Variants in FYN observed in about 807,000 individuals in gnomAD.
FYN encodes the protein tyrosine-protein kinase Fyn.
Under a neutral mutation model 70.2 loss-of-function variants are expected in FYN, and 10 were observed. The ratio of observed to expected loss-of-function variants is 0.14; its 90% CI spans 0.09 to 0.24. The LOEUF is 0.24. FYN is among the 10% of genes least tolerant of loss of function. The probability of loss-of-function intolerance (pLI) is 1.00; values close to 1 mark genes in which losing one functional copy is unlikely to be tolerated. For missense variants in FYN, 319 were observed against 673.1 expected, an observed-to-expected ratio of 0.47 and a Z score of 5.82; for synonymous variants, 236 against 248.6, an observed-to-expected ratio of 0.95 and a Z score of 0.48.
chr6:111,691,172 A>G (rs1415375876), intron 12 of FYN, among the ~76,000 whole-genome samples: 2 of 152,172 alleles, frequency 1.3e-5, no homozygotes, highest in Admixed American at 6.5e-5. Flanking sequence ...CCTCCCTGAC[A>G]TGGGCTGCTG....
intron 2 of FYN, among the ~76,000 whole-genome samples, chr6:111,820,840 T>G (rs1772634318): frequency 6.6e-6 from 1 of 152,102 alleles, no homozygotes; most frequent in Admixed American, 6.5e-5. Context: ...ACAGGTAAGG[T>G]AGACATCTAT....
chr6:111,807,436 A>G (rs1015715447), intron 2 of FYN, among the ~76,000 whole-genome samples: 1 of 152,178 alleles, frequency 6.6e-6, no homozygotes, highest in Non-Finnish European at 1.5e-5. Context: ...CTCTCAAATT[A>G]GTTTGATTTC....
intron 6 of FYN, among the ~76,000 whole-genome samples, chr6:111,704,475 T>C (rs1294406375): frequency 6.6e-6 from 1 of 152,204 alleles, no homozygotes; most frequent in Non-Finnish European, 1.5e-5. Context: ...GACTCTAGTC[T>C]GGGCATGGTG....
intron 3 of FYN, among the ~76,000 whole-genome samples, chr6:111,731,851 G>A (rs962036428): frequency 6.6e-6 from 1 of 152,172 alleles, no homozygotes. Flanking sequence ...CACCCTGGGT[G>A]AGCCCAGGGT....
At chr6:111,664,499 T>C in intron 13 of FYN, among the ~76,000 whole-genome samples, 1 of 152,266 alleles carries the variant, frequency 6.6e-6, no homozygotes, top group East Asian at 1.9e-4. Flanking sequence ...TCATCCAATG[T>C]CTGCCAATGG....
intron 12 of FYN, among the ~76,000 whole-genome samples, chr6:111,678,108 A>ATATGTGTGTGTG: frequency 1.1e-5 from 1 of 94,022 alleles, no homozygotes; most frequent in African/African-American, 3.0e-5. Flanking sequence ...AGGCCATAAT[A>ATATGTGTGTGTG]TGTGTGTGTG....
At chr6:111,790,563 G>A (rs757186932) in intron 2 of FYN, among the ~76,000 whole-genome samples, 18 of 152,138 alleles carry the variant, frequency 1.2e-4, no homozygotes, top group African/African-American at 4.3e-4. Flanking sequence ...GCATCTACCA[G>A]GGGTTCCCTA....
At chr6:111,849,427 T>G (rs1773622965) in intron 1 of FYN, among the ~76,000 whole-genome samples, 1 of 152,220 alleles carries the variant, frequency 6.6e-6, no homozygotes, top group African/African-American at 2.4e-5. Flanking sequence ...TGTTTCCGAA[T>G]GCCCACAGAC....
In FYN at chr6:111,738,000, C is replaced by T. The variant is rs147361589; in HGVS notation, c.-11-17938G>A. On this transcript the variant is annotated intron_variant, in intron 3 of 13. Transcript: ENST00000354650. ...TCCTGCTAGGCCAGGTGACAAAACTCTCACTCATTTTCAACCTAAACAACA... is the reference window on the plus strand; with the variant it reads ...TCCTGCTAGGCCAGGTGACAAAACTTTCACTCATTTTCAACCTAAACAACA... Among the ~76,000 whole-genome samples, 17 of 152,302 alleles carry T rather than the reference C, an allele frequency of 1.1e-4. No individual in the cohort carries two copies. The East Asian group carries it at 2.7e-3, about 24-fold the overall frequency.
intron 13 of FYN, among the ~76,000 whole-genome samples, chr6:111,667,495 C>A (rs1309994545): frequency 6.6e-6 from 1 of 152,042 alleles, no homozygotes; most frequent in Non-Finnish European, 1.5e-5. Context: ...CTCAAGCGAT[C>A]CTCCCTGCTT....
chr6:111,714,633 G>A, intron 4 of FYN, 190 bp from the exon 5 acceptor site: 2 of 581,034 alleles, frequency 3.4e-6, no homozygotes, highest in South Asian at 4.3e-5. Flanking sequence ...GTCTTTGTAG[G>A]GGAAGCCTTA....
intron 2 of FYN, among the ~76,000 whole-genome samples, chr6:111,839,608 T>A (rs1436205290): frequency 6.6e-6 from 1 of 152,002 alleles, no homozygotes; most frequent in Non-Finnish European, 1.5e-5. Flanking sequence ...AAGAGCCATG[T>A]TTTCAAAAAG....
At chr6:111,720,116 G>A in intron 3 of FYN, 54 bp from the exon 4 acceptor site, 1 of 1,537,536 alleles carries the variant, frequency 6.5e-7, no homozygotes. Flanking sequence ...TAGTTGCTGG[G>A]TTGCTCTACA....
rs139273345 is a variant in FYN, at chr6:111,746,197, G to T, written c.-11-26135C>A. Among the ~76,000 whole-genome samples, 85 of 152,258 alleles carry T rather than the reference G, an allele frequency of 5.6e-4. No homozygotes were observed. In the East Asian group the frequency reaches 0.015, roughly 27 times the overall value. On this transcript the variant is annotated intron_variant, in intron 3 of 13. Coordinates refer to ENST00000354650, the MANE Select transcript of FYN (RefSeq NM_002037.5). Reference sequence around the variant, plus strand: ...AAAGTTTAGGCATAATTTATCCACAGTGCAATGTATAAACAGATTTAAGTT... The same window carrying T: ...AAAGTTTAGGCATAATTTATCCACATTGCAATGTATAAACAGATTTAAGTT...
At chr6:111,726,264 C>G (rs980928864) in intron 3 of FYN, among the ~76,000 whole-genome samples, 1 of 152,180 alleles carries the variant, frequency 6.6e-6, no homozygotes, top group African/African-American at 2.4e-5. Context: ...GTTTGTAGTA[C>G]TTTGTTAGGC....
intron 2 of FYN, among the ~76,000 whole-genome samples, chr6:111,790,891 C>T (rs139847560): frequency 1.1e-3 from 161 of 152,220 alleles, no homozygotes; most frequent in African/African-American, 3.8e-3. Flanking sequence ...AATGACAAAA[C>T]GTTATTGAGA....
In FYN at chr6:111,696,431, T is replaced by C; in HGVS notation, c.888A>G (p.Val296=). The C allele has an allele frequency of 6.2e-7, 1 of 1,606,704 alleles. No homozygotes were observed. Among genetic ancestry groups the C allele is most frequent in the South Asian group, 1.1e-5 (1 of 89,418 alleles). The change falls in exon 10 of 14, where the codon GTA becomes GTG. Residue 296 remains valine, a synonymous_variant. Coordinates refer to ENST00000354650, the MANE Select transcript of FYN (RefSeq NM_002037.5). ...TGCCTGGTTTAAGAGTCTTTATGGC[T>C]ACTTTTGTGTTTCCATTCCAGGTAC... The part of the protein sequence containing the change: ...WMGTWNGNTK[V]AIKTLKPGTM...
intron 4 of FYN, among the ~76,000 whole-genome samples, chr6:111,715,061 C>G (rs1051930515): frequency 1.5e-4 from 23 of 152,118 alleles, no homozygotes; most frequent in Non-Finnish European, 2.4e-4. Flanking sequence ...TTGTCCTCCC[C>G]CTACCTTGAA....
intron 5 of FYN, among the ~76,000 whole-genome samples, chr6:111,712,756 C>G (rs1249487438): frequency 6.6e-6 from 1 of 152,202 alleles, no homozygotes; most frequent in Non-Finnish European, 1.5e-5. Context: ...CTTCCTGTGG[C>G]TACAGGAGGA....
Sources: allele counts gnomAD v4.1 joint callset (sites outside exome capture counted in the v4.1 genomes callset), GRCh38; gene constraint gnomAD v4.1.1; transcripts MANE v1.5; gene names NCBI Gene and HGNC (gene_info 2026-07-23, HGNC 2026-07-21).